Variants in MYO18B observed in about 807,000 individuals in gnomAD.
The protein encoded by MYO18B is unconventional myosin-XVIIIb.
MYO18B carries 204 observed loss-of-function variants against 273.0 expected under a neutral mutation model. The observed-to-expected ratio is 0.75, with a 90% CI of 0.67 to 0.84. MYO18B has a LOEUF of 0.84. Ranked by LOEUF, MYO18B falls within the 40% of genes least tolerant of loss-of-function variation. The pLI is 0.00. For missense variants in MYO18B, 3,212 were observed against 3,287.6 expected (o/e 0.98, Z 0.56); for synonymous variants, 1,330 against 1,305.7 (o/e 1.02, Z -0.40).
At chr22:26,002,668 T>C (rs1934069911) in intron 40 of MYO18B, among the ~76,000 whole-genome samples, 1 of 152,208 alleles carries the variant, frequency 6.6e-6, no homozygotes, top group South Asian at 2.1e-4. Context: ...GAGCATGAGC[T>C]TAACAGGCCT....
the MYO18B span, among the ~76,000 whole-genome samples, chr22:26,049,529 G>A: frequency 6.6e-6 from 1 of 152,256 alleles, no homozygotes; most frequent in African/African-American, 2.4e-5. Context: ...ACTTTATAGT[G>A]CCTGGGAGAT....
Position 25,910,021 on chromosome 22 carries a change from G to C in MYO18B, c.5260-925G>C, listed in dbSNP as rs532052842. On this transcript the variant is annotated intron_variant, in intron 32 of 43. Transcript: ENST00000335473. ...GATAATATATACAAGAGAGGCTGGT[G>C]GGGGTGGTCTGCAAAGCACAGCCAC... is the stretch of plus-strand genomic sequence containing the variant. Among the ~76,000 whole-genome samples, 41 of 152,226 alleles carry C rather than the reference G, an allele frequency of 2.7e-4. No individual in the cohort carries two copies. The East Asian group carries it at 7.1e-3, about 27-fold the overall frequency.
chr22:26,050,888 G>A, the MYO18B span, among the ~76,000 whole-genome samples: 1 of 152,316 alleles, frequency 6.6e-6, no homozygotes, highest in Non-Finnish European at 1.5e-5. Context: ...AGGATAAAAG[G>A]TTGGATGAGG....
chr22:25,770,747 C>T (rs2086686903), intron 5 of MYO18B, 125 bp from the exon 6 acceptor site: 1 of 681,170 alleles, frequency 1.5e-6, no homozygotes, highest in Non-Finnish European at 2.6e-6. Context: ...GAGACCTGTC[C>T]CAAGCCTTCT....
chr22:25,824,241 G>A (rs2089402337), intron 13 of MYO18B, among the ~76,000 whole-genome samples: 1 of 152,174 alleles, frequency 6.6e-6, no homozygotes, highest in South Asian at 2.1e-4. Context: ...TGGGAGACAG[G>A]AGACCCACTG....
At chr22:26,044,128 A>T in the MYO18B span, among the ~76,000 whole-genome samples, 1 of 152,228 alleles carries the variant, frequency 6.6e-6, no homozygotes, top group Admixed American at 6.5e-5. Context: ...GGCCATTTGC[A>T]TAATATTCTT....
chr22:25,875,785 G>A (rs1360630058), intron 23 of MYO18B, among the ~76,000 whole-genome samples: 1 of 152,108 alleles, frequency 6.6e-6, no homozygotes, highest in Non-Finnish European at 1.5e-5. Flanking sequence ...TAACATAATC[G>A]TGGACATTGT....
intron 38 of MYO18B, among the ~76,000 whole-genome samples, chr22:25,954,253 C>T (rs2092823216): frequency 6.6e-6 from 1 of 152,078 alleles, no homozygotes; most frequent in Non-Finnish European, 1.5e-5. Context: ...TCAAGGATTC[C>T]CCATCCCCCC....
chr22:25,953,899 C>T (rs763497811), intron 38 of MYO18B, among the ~76,000 whole-genome samples: 1 of 152,170 alleles, frequency 6.6e-6, no homozygotes, highest in Non-Finnish European at 1.5e-5. Context: ...AGTTTGAGAA[C>T]TCCTTCCACT....
At chr22:25,886,331 A>G (rs2091498987) in intron 25 of MYO18B, among the ~76,000 whole-genome samples, 1 of 152,172 alleles carries the variant, frequency 6.6e-6, no homozygotes, top group African/African-American at 2.4e-5. Flanking sequence ...GCCTGCCACT[A>G]AGCTGCAGAT....
chr22:25,768,224 A>T lies in MYO18B; in HGVS notation c.308A>T (p.Asp103Val). Residue 103 changes from aspartate (D) to valine (V), a missense_variant, in exon 4 of 44, where the codon GAC becomes GTC. Asp to Val is a radical substitution (Grantham distance 152, BLOSUM62 -3). Transcript: ENST00000335473. ...CAGTCAAGCTCTCCTGGGAGCTCAG[A>T]CATTCTGGGCAAGGAGAGCGAGGGG... is the stretch of plus-strand genomic sequence containing the variant. ...DDQSSSPGSS[D>V]ILGKESEGSR... The T allele has an allele frequency of 6.2e-7, 1 of 1,614,024 alleles. No homozygotes were observed. Among genetic ancestry groups the T allele is most frequent in the South Asian group, 1.1e-5 (1 of 91,086 alleles).
At chr22:25,834,265 G>A (rs1339104031) in intron 16 of MYO18B, among the ~76,000 whole-genome samples, 1 of 151,712 alleles carries the variant, frequency 6.6e-6, no homozygotes, top group East Asian at 1.9e-4. Flanking sequence ...TCGTGCCTCA[G>A]CCTCCTGAGT....
chr22:25,802,776 AC>A lies in MYO18B; in HGVS notation c.2521+4683del, dbSNP rs1601741528. On this transcript the variant is annotated intron_variant, in intron 12 of 43. Coordinates refer to ENST00000335473, the MANE Select transcript of MYO18B (RefSeq NM_032608.7). ...TCAAAAAAAAAAAAAAAAAAAAAAA[AC>A]CCCTATAGCCTTTAGCTATTGCCCT... Among the ~76,000 whole-genome samples the A allele has an allele frequency of 3.4e-5, 5 of 147,652 alleles. No individual in the cohort carries two copies. In the East Asian group the frequency reaches 1.1e-3, roughly 31 times the overall value.
chr22:25,752,626 A>G (rs1048014211), intron 1 of MYO18B, among the ~76,000 whole-genome samples: 1 of 135,000 alleles, frequency 7.4e-6, no homozygotes, highest in Non-Finnish European at 1.6e-5. Context: ...GCTGCAAGCC[A>G]CAGCTATGCA....
intron 12 of MYO18B, among the ~76,000 whole-genome samples, chr22:25,816,980 G>C (rs2089042044): frequency 6.6e-6 from 1 of 152,198 alleles, no homozygotes; most frequent in African/African-American, 2.4e-5. Context: ...GCTATTGTTG[G>C]AAGGAGAAAT....
intron 3 of MYO18B, among the ~76,000 whole-genome samples, chr22:25,764,760 A>C (rs1201248781): frequency 2.0e-5 from 3 of 152,214 alleles, no homozygotes; most frequent in African/African-American, 7.2e-5. Context: ...GGTTATGATG[A>C]AATGTTACTG....
At chr22:25,876,163 C>G in intron 23 of MYO18B, 26 bp from the exon 24 acceptor site, 2 of 1,602,616 alleles carry the variant, frequency 1.2e-6, no homozygotes, top group Non-Finnish European at 1.7e-6. Context: ...AAAGGACCCT[C>G]CAGTCTGTGT....
intron 7 of MYO18B, among the ~76,000 whole-genome samples, chr22:25,776,416 G>T (rs1341394121): frequency 6.6e-6 from 1 of 152,150 alleles, no homozygotes; most frequent in Non-Finnish European, 1.5e-5. Context: ...TGGCTAACAT[G>T]GTGAAACCCC....
Position 25,890,881 on chromosome 22 carries a change from T to C in MYO18B, c.4434+6T>C. The C allele has an allele frequency of 6.2e-7, 1 of 1,611,958 alleles. No individual in the cohort carries two copies. The highest frequency in any genetic ancestry group is 8.5e-7 in the Non-Finnish European group (1 of 1,179,278). On this transcript the variant is annotated splice_donor_region_variant and intron_variant, in intron 26 of 43. Coordinates refer to ENST00000335473, the MANE Select transcript of MYO18B (RefSeq NM_032608.7). ...GGGAGGTCCAGGAGCTCAAGGTGAGTGGTCAGGGGTGGCCAGGGGTGGCTG... is the reference window on the plus strand; with the variant it reads ...GGGAGGTCCAGGAGCTCAAGGTGAGCGGTCAGGGGTGGCCAGGGGTGGCTG...
Sources: allele counts gnomAD v4.1 joint callset (sites outside exome capture counted in the v4.1 genomes callset), GRCh38; gene constraint gnomAD v4.1.1; transcripts MANE v1.5; gene names NCBI Gene and HGNC (gene_info 2026-07-23, HGNC 2026-07-21).